SLC35F1: variants seen among roughly 807,000 people sequenced by gnomAD.
The protein encoded by SLC35F1 is solute carrier family 35 member F1.
In SLC35F1, 14 loss-of-function variants were observed where a neutral mutation model predicts 48.7. That is an observed-to-expected ratio of 0.29 (90% CI 0.19 to 0.45). The LOEUF (loss-of-function observed/expected upper bound fraction) is 0.45. SLC35F1 is among the 20% of genes least tolerant of loss of function. The pLI is 1.00. For synonymous variants in SLC35F1, 190 were observed against 202.2 expected (o/e 0.94, Z 0.51); for missense variants, 404 against 500.0 (o/e 0.81, Z 1.83).
At chr6:118,197,783 A>G (rs549378273) in intron 2 of SLC35F1, among the ~76,000 whole-genome samples, 1 of 152,278 alleles carries the variant, frequency 6.6e-6, no homozygotes, top group South Asian at 2.1e-4. Flanking sequence ...GAAAGCAGAA[A>G]AATCACTGCT....
intron 3 of SLC35F1, among the ~76,000 whole-genome samples, chr6:118,259,099 T>C (rs1775681282): frequency 6.6e-6 from 1 of 151,612 alleles, no homozygotes. Context: ...TATAAAGATA[T>C]TTTATATATC....
At chr6:118,244,322 A>C (rs1281652022) in intron 3 of SLC35F1, among the ~76,000 whole-genome samples, 1 of 152,280 alleles carries the variant, frequency 6.6e-6, no homozygotes, top group Non-Finnish European at 1.5e-5. Context: ...GAGGTAGAAG[A>C]AAATGGCTTT....
At chr6:117,942,771 A>C (rs979948825) in intron 1 of SLC35F1, among the ~76,000 whole-genome samples, 1 of 152,172 alleles carries the variant, frequency 6.6e-6, no homozygotes, top group African/African-American at 2.4e-5. Context: ...ATTTCTACTA[A>C]ATCTAGTTTT....
At chr6:118,230,805 A>C (rs1252086901) in intron 2 of SLC35F1, among the ~76,000 whole-genome samples, 1 of 152,132 alleles carries the variant, frequency 6.6e-6, no homozygotes, top group East Asian at 1.9e-4. Context: ...CAACATGGCA[A>C]AACCCCATCT....
intron 1 of SLC35F1, among the ~76,000 whole-genome samples, chr6:117,927,652 G>GT (rs1398149018): frequency 2.6e-5 from 4 of 152,140 alleles, no homozygotes; most frequent in Admixed American, 2.6e-4. Flanking sequence ...ACTTCTGTTT[G>GT]TTTTTCTAAT....
At chr6:118,198,721 CTG>C (rs1774834182) in intron 2 of SLC35F1, among the ~76,000 whole-genome samples, 1 of 152,092 alleles carries the variant, frequency 6.6e-6, no homozygotes, top group Admixed American at 6.5e-5. Flanking sequence ...GTTTACACAC[CTG>C]TGTGTGTATA....
At chr6:118,130,502 CAAT>C (rs1326273295) in intron 1 of SLC35F1, among the ~76,000 whole-genome samples, 1 of 151,918 alleles carries the variant, frequency 6.6e-6, no homozygotes, top group Non-Finnish European at 1.5e-5. Context: ...AAACAAACAA[CAAT>C]AACAAAAAAA....
intron 3 of SLC35F1, among the ~76,000 whole-genome samples, chr6:118,260,360 T>C (rs1320107024): frequency 6.6e-6 from 1 of 152,140 alleles, no homozygotes; most frequent in African/African-American, 2.4e-5. Context: ...TTTAAAAGGG[T>C]GAAATTTATA....
At chr6:117,996,267 T>C (rs1473149421) in intron 1 of SLC35F1, among the ~76,000 whole-genome samples, 1 of 152,168 alleles carries the variant, frequency 6.6e-6, no homozygotes, top group Non-Finnish European at 1.5e-5. Flanking sequence ...GGGTACTAGA[T>C]TAGTACAAAA....
At position 118,007,366 on chromosome 6, in the gene SLC35F1, G is replaced by A. The variant is rs1313894725; in HGVS notation, c.173+99467G>A. ...AAATTTTAACATGAGTTTTGGAGGG[G>A]AGAAATATTCAAACCACAGCAACCA... is the stretch of plus-strand genomic sequence containing the variant. On this transcript the variant is annotated intron_variant, in intron 1 of 7. Coordinates refer to ENST00000360388, the MANE Select transcript of SLC35F1 (RefSeq NM_001029858.4). 2.6e-5 allele frequency among the ~76,000 whole-genome samples: 4 copies of A among 152,244 alleles called. No individual in the cohort carries two copies. The East Asian group carries it at 7.7e-4, about 29-fold the overall frequency.
chr6:118,159,066 A>G (rs900491198), intron 2 of SLC35F1, among the ~76,000 whole-genome samples: 1 of 151,668 alleles, frequency 6.6e-6, no homozygotes, highest in Non-Finnish European at 1.5e-5. Flanking sequence ...TAAAAATACA[A>G]AAAAATTAGC....
At chr6:118,113,984 G>T (rs1260190618) in intron 1 of SLC35F1, among the ~76,000 whole-genome samples, 1 of 152,188 alleles carries the variant, frequency 6.6e-6, no homozygotes, top group African/African-American at 2.4e-5. Flanking sequence ...TCAGCATAAT[G>T]TGATACATAC....
chr6:118,287,226 T>C (rs1262254375), intron 7 of SLC35F1, among the ~76,000 whole-genome samples: 1 of 152,166 alleles, frequency 6.6e-6, no homozygotes, highest in African/African-American at 2.4e-5. Context: ...CCCAGTCATT[T>C]TCCAGAGCTC....
intron 1 of SLC35F1, among the ~76,000 whole-genome samples, chr6:117,959,895 A>G (rs964498264): frequency 1.3e-5 from 2 of 152,152 alleles, no homozygotes; most frequent in African/African-American, 2.4e-5. Flanking sequence ...TGTTATTTTC[A>G]TTTTTAGAGA....
chr6:118,004,778 G>A (rs897076295), intron 1 of SLC35F1, among the ~76,000 whole-genome samples: 13 of 151,854 alleles, frequency 8.6e-5, no homozygotes, highest in African/African-American at 3.1e-4. Context: ...TCCTGGGCTG[G>A]CCTCAAGTGA....
intron 1 of SLC35F1, among the ~76,000 whole-genome samples, chr6:117,908,378 G>T (rs922789186): frequency 6.6e-6 from 1 of 152,204 alleles, no homozygotes; most frequent in Admixed American, 6.5e-5. Flanking sequence ...ACCCCTTGCC[G>T]GGGGAATGGG....
rs149879230 is a variant in SLC35F1, at chr6:118,039,799, G to GTTTTTTTTTTTTTTTTTTTTT, written c.174-114638_174-114637insTTTTTTTTTTTTTTTTTTTTT. Among the ~76,000 whole-genome samples the GTTTTTTTTTTTTTTTTTTTTT allele has an allele frequency of 2.8e-5, 3 of 106,856 alleles. 1 individual carries two copies. Among genetic ancestry groups the GTTTTTTTTTTTTTTTTTTTTT allele is most frequent in the Non-Finnish European group, 3.9e-5 (2 of 51,022 alleles). 70.1% of individuals were successfully genotyped at this position (106,856 alleles called of 152,430 possible). ...TTTAACATCTAAGCATCTCAGGATTGTTTTTTTTGTTTTTTTTTTTTGCTT... is the reference window on the plus strand; with the variant it reads ...TTTAACATCTAAGCATCTCAGGATTGTTTTTTTTTTTTTTTTTTTTTTTTTTTTTGTTTTTTTTTTTTGCTT... On this transcript the variant is annotated intron_variant, in intron 1 of 7. Coordinates refer to ENST00000360388, the MANE Select transcript of SLC35F1 (RefSeq NM_001029858.4).
At chr6:118,230,831 A>G (rs1031012402) in intron 2 of SLC35F1, among the ~76,000 whole-genome samples, 3 of 152,116 alleles carry the variant, frequency 2.0e-5, no homozygotes, top group African/African-American at 7.2e-5. Flanking sequence ...AAGAAATGCA[A>G]AAATTAGCTG....
At chr6:118,145,931 A>G (rs1244783420) in intron 1 of SLC35F1, among the ~76,000 whole-genome samples, 1 of 152,238 alleles carries the variant, frequency 6.6e-6, no homozygotes, top group Admixed American at 6.5e-5. Context: ...GATGGCTGCA[A>G]TACACAGGAA....
Sources: allele counts gnomAD v4.1 joint callset (sites outside exome capture counted in the v4.1 genomes callset), GRCh38; gene constraint gnomAD v4.1.1; transcripts MANE v1.5; gene names NCBI Gene and HGNC (gene_info 2026-07-23, HGNC 2026-07-21).